The following OCA2 variants were observed in gnomAD, a reference collection of about 807,000 sequenced individuals.
The protein encoded by OCA2 is P protein.
Under a neutral mutation model 100.2 loss-of-function variants are expected in OCA2, and 77 were observed. The ratio of observed to expected loss-of-function variants is 0.77; its 90% CI spans 0.64 to 0.93. OCA2 has a LOEUF of 0.93. Among genes scored for constraint, OCA2 ranks in the 40% least tolerant of loss-of-function variants. The pLI is 0.00. For synonymous variants in OCA2, 432 were observed against 439.2 expected (o/e 0.98, Z 0.21); for missense variants, 1,062 against 1,089.1 (o/e 0.98, Z 0.35).
At position 27,998,615 on chromosome 15, in the gene OCA2, TTC is replaced by T. The variant is rs1479537782; in HGVS notation, c.1045-7970_1045-7969del. 1.9e-4 allele frequency among the ~76,000 whole-genome samples: 27 copies of T among 142,976 alleles called. No homozygotes were observed. The South Asian group carries it at 6.1e-3, about 32-fold the overall frequency. The allele number at this position is 142,976 out of a possible 152,430, so 93.8% of individuals were successfully genotyped here. ...CACTGTTGGTGGGACTGTAAACTAG[TTC>T]AACCATTGTGGAAGTCAGTGTGGCG... On this transcript the variant is annotated intron_variant, in intron 9 of 23. Coordinates refer to ENST00000354638, the MANE Select transcript of OCA2 (RefSeq NM_000275.3).
At chr15:27,828,896 C>T (rs939408154) in intron 23 of OCA2, among the ~76,000 whole-genome samples, 2 of 152,168 alleles carry the variant, frequency 1.3e-5, no homozygotes, top group Non-Finnish European at 2.9e-5. Flanking sequence ...CTCTGCCGCC[C>T]TCTCAAGCGT....
At chr15:27,860,533 C>T (rs1449037560) in intron 21 of OCA2, among the ~76,000 whole-genome samples, 2 of 152,204 alleles carry the variant, frequency 1.3e-5, no homozygotes, top group Admixed American at 6.5e-5. Context: ...CTGCCACTTA[C>T]AAGTGAGAAC....
intron 23 of OCA2, among the ~76,000 whole-genome samples, chr15:27,834,287 C>T (rs1246140149): frequency 3.3e-5 from 5 of 152,218 alleles, no homozygotes; most frequent in African/African-American, 7.2e-5. Context: ...TGTTGGTGAA[C>T]GAATTCATGT....
intron 23 of OCA2, among the ~76,000 whole-genome samples, chr15:27,759,567 C>T (rs758713426): frequency 6.6e-6 from 1 of 151,304 alleles, no homozygotes; most frequent in South Asian, 2.1e-4. Context: ...AGAACATTTC[C>T]AAGGCAGAGA....
chr15:27,888,970 A>G (rs1287023276), intron 19 of OCA2, among the ~76,000 whole-genome samples: 2 of 152,184 alleles, frequency 1.3e-5, no homozygotes, highest in Non-Finnish European at 2.9e-5. Context: ...TCAGGGTAAG[A>G]TTAGGTTACT....
At chr15:28,074,214 T>A (rs559683846) in intron 2 of OCA2, among the ~76,000 whole-genome samples, 1 of 152,342 alleles carries the variant, frequency 6.6e-6, no homozygotes, top group South Asian at 2.1e-4. Flanking sequence ...ATTCATGACA[T>A]GATAATCACA....
At chr15:27,963,048 T>C (rs2140778749) in intron 15 of OCA2, among the ~76,000 whole-genome samples, 1 of 152,338 alleles carries the variant, frequency 6.6e-6, no homozygotes, top group African/African-American at 2.4e-5. Flanking sequence ...CAAAGATTGT[T>C]TTTATAGCAA....
At chr15:27,841,153 A>G (rs569605277) in intron 23 of OCA2, among the ~76,000 whole-genome samples, 2 of 152,368 alleles carry the variant, frequency 1.3e-5, no homozygotes, top group Admixed American at 1.3e-4. Flanking sequence ...CTGGCATGTG[A>G]AACAATTTGG....
intron 23 of OCA2, among the ~76,000 whole-genome samples, chr15:27,801,801 C>A (rs77298823): frequency 0.022 from 3,341 of 152,122 alleles, 104 homozygotes; most frequent in African/African-American, 0.075. Flanking sequence ...AAAAGAATAT[C>A]TAAATTATTC....
intron 23 of OCA2, among the ~76,000 whole-genome samples, chr15:27,768,458 G>T (rs1343659279): frequency 6.6e-6 from 1 of 152,092 alleles, no homozygotes; most frequent in African/African-American, 2.4e-5. Flanking sequence ...ATCTTCTCCT[G>T]CCTGGAATTT....
chr15:27,848,858 C>T (rs1567020307), intron 22 of OCA2, among the ~76,000 whole-genome samples: 1 of 118,090 alleles, frequency 8.5e-6, no homozygotes, highest in Non-Finnish European at 1.8e-5. Flanking sequence ...AAGCAGCAGC[C>T]TTAGGGTTTG....
chr15:27,957,134 A>G lies in OCA2; in HGVS notation c.1784+454T>C, dbSNP rs2040249109. Reference sequence around the variant, plus strand: ...CTTTAAATCTCAGCTTCAATTAACAACGAATGCCAGGAAACAAATTGAGTG... The same window carrying G: ...CTTTAAATCTCAGCTTCAATTAACAGCGAATGCCAGGAAACAAATTGAGTG... On this transcript the variant is annotated intron_variant, in intron 16 of 23. Transcript: ENST00000354638. This position sits in a 1 kb window ranked among gnomAD's most constrained non-coding sequence, Gnocchi z 4.3. Among the ~76,000 whole-genome samples, 1 of 152,206 alleles carries G rather than the reference A, an allele frequency of 6.6e-6. No homozygotes were observed. Among genetic ancestry groups the G allele is most frequent in the African/African-American group, 2.4e-5 (1 of 41,458 alleles).
rs573737855 is a variant in OCA2 at position 28,057,939 on chromosome 15, G to A, written c.227+23709C>T. Among the ~76,000 whole-genome samples the A allele has an allele frequency of 4.6e-5, 7 of 152,158 alleles. No homozygotes were observed. The South Asian group carries it at 1.0e-3, about 23-fold the overall frequency. ...GGCTGGACCCTGTGACTACTGGATCGTAAACAGCCTCACACACCGGGAGGC... is the reference window on the plus strand; with the variant it reads ...GGCTGGACCCTGTGACTACTGGATCATAAACAGCCTCACACACCGGGAGGC... On this transcript the variant is annotated intron_variant, in intron 2 of 23. Coordinates refer to ENST00000354638, the MANE Select transcript of OCA2 (RefSeq NM_000275.3).
At chr15:28,030,330 A>C (rs1273243512) in intron 3 of OCA2, among the ~76,000 whole-genome samples, 1 of 152,096 alleles carries the variant, frequency 6.6e-6, no homozygotes, top group Non-Finnish European at 1.5e-5. Flanking sequence ...AAGTAAGGGC[A>C]TGAATGTAGT....
chr15:28,097,363 C>T (rs564596735), intron 1 of OCA2, among the ~76,000 whole-genome samples: 2 of 152,360 alleles, frequency 1.3e-5, no homozygotes, highest in Admixed American at 1.3e-4. Context: ...AGCGAGTGAG[C>T]TGGTAGAGCC....
chr15:27,956,124 C>A (rs781177288), intron 16 of OCA2, among the ~76,000 whole-genome samples: 1 of 151,888 alleles, frequency 6.6e-6, no homozygotes, highest in African/African-American at 2.4e-5. Flanking sequence ...CTGAGGCAGG[C>A]GGATCACCTG....
chr15:27,907,798 T>A (rs1373777479), intron 19 of OCA2, among the ~76,000 whole-genome samples: 1 of 152,150 alleles, frequency 6.6e-6, no homozygotes, highest in Admixed American at 6.5e-5. Flanking sequence ...ATTGCCAATA[T>A]TGACCCCATC....
intron 19 of OCA2, among the ~76,000 whole-genome samples, chr15:27,907,094 C>T (rs574689901): frequency 2.5e-4 from 38 of 152,306 alleles, no homozygotes; most frequent in Middle Eastern, 3.4e-3. Context: ...ACCTCCAACA[C>T]TGCGATCAAA....
intron 2 of OCA2, among the ~76,000 whole-genome samples, chr15:28,034,813 G>A (rs531387507): frequency 0.02 from 3,020 of 152,206 alleles, 56 homozygotes; most frequent in African/African-American, 0.049. Context: ...AATAATGAAT[G>A]GGTTAAAACC....
Sources: allele counts gnomAD v4.1 joint callset (sites outside exome capture counted in the v4.1 genomes callset), GRCh38; gene constraint gnomAD v4.1.1; non-coding constraint Gnocchi (gnomAD v3.1); transcripts MANE v1.5; gene names NCBI Gene and HGNC (gene_info 2026-07-23, HGNC 2026-07-21).